Variants in CD36 observed in about 807,000 individuals in gnomAD.
The protein encoded by CD36 is CD36 molecule (CD36 blood group), also known as platelet glycoprotein 4.
CD36 carries 119 observed loss-of-function variants against 55.2 expected under a neutral mutation model. The ratio of observed to expected loss-of-function variants is 2.15; its 90% CI spans 1.86 to 2.51. The LOEUF is 2.51. Among genes scored for constraint, CD36 ranks in the 30% most tolerant of loss-of-function variants. CD36 has a pLI of 0.00. For synonymous variants in CD36, 186 were observed against 193.6 expected (o/e 0.96, Z 0.33); for missense variants, 819 against 555.5 (o/e 1.47, Z -4.77).
chr7:80,667,550 C>A (rs1311204295), intron 8 of CD36, among the ~76,000 whole-genome samples: 2 of 151,406 alleles, frequency 1.3e-5, no homozygotes, highest in Non-Finnish European at 2.9e-5. Context: ...AGGGAATATC[C>A]CATAGGAAAA....
At chr7:80,626,845 C>A (rs1398984444) in intron 1 of CD36, among the ~76,000 whole-genome samples, 1 of 152,014 alleles carries the variant, frequency 6.6e-6, no homozygotes, top group African/African-American at 2.4e-5. Context: ...TGATTTTAGT[C>A]ATGCTTTTAG....
Position 80,645,022 on chromosome 7 carries a change from CTT to C in CD36, c.-183-1052_-183-1051del, listed in dbSNP as rs11321468. 5.0e-3 allele frequency among the ~76,000 whole-genome samples: 670 copies of C among 132,770 alleles called. 3 individuals carry two copies. The highest frequency in any genetic ancestry group is 8.6e-3 in the African/African-American group (316 of 36,578). The allele number at this position is 132,770 out of a possible 152,430, so 87.1% of individuals were successfully genotyped here. On this transcript the variant is annotated intron_variant, in intron 1 of 14. Coordinates refer to ENST00000447544, the MANE Select transcript of CD36 (RefSeq NM_001001548.3). ...CACAAACTGTATTCTTTCTTCCAAT[CTT>C]TTTTTTTTTTTTTGAGATGGAGTTT...
upstream of CD36, chr7:80,636,867 A>G (rs1027503709): frequency 6.6e-6 from 1 of 151,998 alleles, no homozygotes; most frequent in South Asian, 2.1e-4. Context: ...ACTGTTGTCT[A>G]TGGGATTGAA....
intron 8 of CD36, 72 bp downstream of exon 8, chr7:80,666,561 C>A: frequency 8.7e-7 from 1 of 1,153,658 alleles, no homozygotes. Context: ...GTTGTACTGA[C>A]AGTGTTCTGA....
intron 1 of CD36, chr7:80,625,119 T>C (rs1793669903): frequency 6.6e-6 from 1 of 152,118 alleles, no homozygotes; most frequent in South Asian, 2.1e-4. Flanking sequence ...TGAAGTAGTG[T>C]TTTAAAAAAT....
chr7:80,628,489 G>A (rs1793874161), intron 1 of CD36, among the ~76,000 whole-genome samples: 1 of 152,050 alleles, frequency 6.6e-6, no homozygotes, highest in South Asian at 2.1e-4. Flanking sequence ...TTGTTACATA[G>A]AGTGTAGAAA....
At chr7:80,654,345 C>T (rs986733040) in intron 3 of CD36, among the ~76,000 whole-genome samples, 5 of 152,054 alleles carry the variant, frequency 3.3e-5, no homozygotes, top group African/African-American at 1.2e-4. Context: ...ATCGCAAAAA[C>T]CGTAATTACT....
At chr7:80,637,724 A>G (rs987144490), upstream of CD36, among the ~76,000 whole-genome samples, 12 of 152,050 alleles carry the variant, frequency 7.9e-5, no homozygotes, top group African/African-American at 2.9e-4. Flanking sequence ...TTCTTAGGTT[A>G]CTTTACTTCT....
intron 14 of CD36, 44 bp downstream of exon 14, chr7:80,674,191 T>C (rs1201346820): frequency 7.4e-7 from 1 of 1,356,496 alleles, no homozygotes; most frequent in South Asian, 1.2e-5. Context: ...TATTAGCTTA[T>C]ATATTACTTG....
At chr7:80,648,601 G>A (rs1247804444) in intron 3 of CD36, among the ~76,000 whole-genome samples, 2 of 151,982 alleles carry the variant, frequency 1.3e-5, no homozygotes, top group African/African-American at 2.4e-5. Context: ...TTTGTATAAT[G>A]ACTAAGAGAA....
chr7:80,661,670 C>A (rs954152637), intron 5 of CD36, among the ~76,000 whole-genome samples: 32 of 151,946 alleles, frequency 2.1e-4, no homozygotes, highest in Non-Finnish European at 2.8e-4. Flanking sequence ...TGGGCAATAA[C>A]CTTTAACCAA....
At chr7:80,669,495 T>G (rs1797437960) in intron 8 of CD36, among the ~76,000 whole-genome samples, 1 of 152,154 alleles carries the variant, frequency 6.6e-6, no homozygotes, top group Admixed American at 6.6e-5. Context: ...TGGCATGATC[T>G]TGGCTCACTG....
At chr7:80,617,276 C>T (rs1283203377) in intron 1 of CD36, among the ~76,000 whole-genome samples, 1 of 151,942 alleles carries the variant, frequency 6.6e-6, no homozygotes, top group African/African-American at 2.4e-5. Context: ...ATCACTAATG[C>T]GTACTAGGCT....
intron 8 of CD36, among the ~76,000 whole-genome samples, chr7:80,667,421 C>T (rs1217972046): frequency 7.3e-6 from 1 of 136,110 alleles, no homozygotes; most frequent in Admixed American, 7.6e-5. Flanking sequence ...TAGTGTGAGA[C>T]CCTGTCTCAA....
chr7:80,653,997 T>G (rs958681817), intron 3 of CD36, among the ~76,000 whole-genome samples: 2 of 152,164 alleles, frequency 1.3e-5, no homozygotes, highest in Non-Finnish European at 2.9e-5. Context: ...GAACCCATTT[T>G]CCACCTCTAA....
intron 2 of CD36, 123 bp downstream of exon 2, chr7:80,646,304 G>A: frequency 8.8e-6 from 2 of 226,192 alleles, no homozygotes; most frequent in East Asian, 1.0e-4. Context: ...GTTGGGTGGA[G>A]AAACCAGATA....
In CD36 at chr7:80,661,161, C is replaced by T. The variant is rs201765331; in HGVS notation, c.380C>T (p.Ser127Leu). 1.8e-5 allele frequency: 29 copies of T among 1,613,970 alleles called. No homozygotes were observed. In the East Asian group the frequency reaches 5.8e-4, roughly 32 times the overall value. Residue 127 changes from serine (S) to leucine (L), a missense_variant, in exon 5 of 15, where the codon TCA becomes TTA. Ser to Leu is a moderately radical substitution (Grantham distance 145, BLOSUM62 -2). Coordinates refer to ENST00000447544, the MANE Select transcript of CD36 (RefSeq NM_001001548.3). ...PNGAIFEPSLSVGTEADNFTV... is the reference protein window; with the variant it reads ...PNGAIFEPSLLVGTEADNFTV... ...GGTGCCATCTTCGAACCTTCACTATCAGTTGGAACAGAGGCTGACAACTTC... is the reference window on the plus strand; with the variant it reads ...GGTGCCATCTTCGAACCTTCACTATTAGTTGGAACAGAGGCTGACAACTTC...
chr7:80,630,839 A>G (rs1326227254), intron 1 of CD36, among the ~76,000 whole-genome samples: 1 of 152,050 alleles, frequency 6.6e-6, no homozygotes, highest in Non-Finnish European at 1.5e-5. Context: ...TGGGAAAATA[A>G]ATACGCTTAG....
rs1385856030 is a variant in CD36 at position 80,678,796 on chromosome 7, A to T, written c.*2413A>T. ...GAAGCAGAGGTTGCAGTGAACTGAG[A>T]TCGCGTCACTGCACTCCAGCCTGGT... On this transcript the variant is annotated 3_prime_UTR_variant, in exon 15 of 15. Transcript: ENST00000447544. 6.6e-6 allele frequency: 1 copy of T among 151,860 alleles called. No homozygotes were observed. Among genetic ancestry groups the T allele is most frequent in the Non-Finnish European group, 1.5e-5 (1 of 68,016 alleles). The allele number at this position is 151,860 out of a possible 1,614,324, so 9.4% of individuals were successfully genotyped here.
Sources: allele counts gnomAD v4.1 joint callset (sites outside exome capture counted in the v4.1 genomes callset), GRCh38; gene constraint gnomAD v4.1.1; transcripts MANE v1.5; gene names NCBI Gene and HGNC (gene_info 2026-07-23, HGNC 2026-07-21).